Variants in SIX2 observed in about 807,000 individuals in gnomAD.
The protein encoded by SIX2 is SIX homeobox 2.
Under a neutral mutation model 22.8 loss-of-function variants are expected in SIX2, and 20 were observed. The ratio of observed to expected loss-of-function variants is 0.88; its 90% CI spans 0.62 to 1.28. The LOEUF (loss-of-function observed/expected upper bound fraction) is 1.28, where lower values mean the gene tolerates loss of function less well. SIX2 is among the 50% of genes most tolerant of loss of function. The probability of loss-of-function intolerance (pLI) is 0.00; values close to 1 mark genes in which losing one functional copy is unlikely to be tolerated. For missense variants in SIX2, 360 were observed against 400.0 expected, an observed-to-expected ratio of 0.90 and a Z score of 0.85; for synonymous variants, 195 against 186.4, an observed-to-expected ratio of 1.05 and a Z score of -0.37.
Position 45,006,285 on chromosome 2 carries a change from G to A in SIX2, c.761C>T (p.Ala254Val), listed in dbSNP as rs201764520. ...HSLGHPPGPSAVPVPVPGGGG... is the reference protein window; with the variant it reads ...HSLGHPPGPSVVPVPVPGGGG... The stretch of plus-strand genomic sequence containing the variant: ...TCCGCCTGGCACCGGCACTGGCACT[G>A]CGCTGGGGCCCGGAGGGTGGCCCAG... The change falls in exon 2 of 2, where the codon GCA (alanine) becomes GTA (valine). Residue 254 changes from alanine (A) to valine (V), a missense_variant. This residue lies in a region of SIX2 where 235 missense variants were observed against 231.9 expected (regional missense o/e 1.01). Coordinates refer to ENST00000303077, the MANE Select transcript of SIX2 (RefSeq NM_016932.5). The surrounding 1 kb of genome is among the most constrained non-coding windows in gnomAD (Gnocchi z 4.2). 2.5e-6 allele frequency: 4 copies of A among 1,614,098 alleles called. No homozygotes were observed. Among genetic ancestry groups the A allele is most frequent in the Middle Eastern group, 1.6e-4 (1 of 6,062 alleles).
At position 45,006,255 on chromosome 2, in the gene SIX2, C is replaced by T. The variant is rs146753226; in HGVS notation, c.791G>A (p.Gly264Glu). 135 of 1,614,220 alleles carry T rather than the reference C, an allele frequency of 8.4e-5. No homozygotes were observed. In the African/African-American group the frequency reaches 1.4e-3, roughly 17 times the overall value. ...AVPVPVPGGG[G>E]ADPLQHHHGL... ...ATGGTGGTGTTGCAGTGGGTCCGCT[C>T]CACCTCCGCCTGGCACCGGCACTGG... Residue 264 changes from glycine (G) to glutamate (E), a missense_variant, in exon 2 of 2, where the codon GGA (glycine) becomes GAA (glutamate). Gly to Glu is a moderately conservative substitution (Grantham distance 98). Transcript: ENST00000303077. This position sits in a 1 kb window ranked among gnomAD's most constrained non-coding sequence, Gnocchi z 4.2.
At position 45,006,557 on chromosome 2, in the gene SIX2, T is replaced by A. The variant is rs959620167; in HGVS notation, c.561-72A>T. On this transcript the variant is annotated intron_variant, in intron 1 of 1. Coordinates refer to ENST00000303077, the MANE Select transcript of SIX2 (RefSeq NM_016932.5). This position sits in a 1 kb window ranked among gnomAD's most constrained non-coding sequence, Gnocchi z 4.2. ...CCACCCAGCGCCATCTCAGTCACAG[T>A]CAGAGCCAGCCACCAGCCTCGGGAG... The A allele has an allele frequency of 4.8e-6, 7 of 1,446,464 alleles. No individual in the cohort carries two copies. In the South Asian group the frequency reaches 5.7e-5, roughly 12 times the overall value. The allele number at this position is 1,446,464 out of a possible 1,614,324, so 89.6% of individuals were successfully genotyped here.
Position 45,008,948 on chromosome 2 carries a change from C to T in SIX2, c.163G>A (p.Val55Met). The T allele has an allele frequency of 6.2e-7, 1 of 1,613,848 alleles. No individual in the cohort carries two copies. ...KNESVLKAKA[V>M]VAFHRGNFRE... ...AAGTTGCCGCGGTGGAAGGCCACCA[C>T]GGCCTTGGCCTTGAGCACGCTTTCA... The change falls in exon 1 of 2, where the codon GTG (valine) becomes ATG (methionine). Residue 55 changes from valine to methionine, a missense_variant. Physicochemically the swap from Val to Met is conservative, Grantham distance 21. This residue lies in a region of SIX2 where 118 missense variants were observed against 135.1 expected (regional missense o/e 0.87). Transcript: ENST00000303077.
In SIX2 at chr2:45,008,686, C is replaced by T; in HGVS notation, c.425G>A (p.Trp142Ter). 6.2e-7 allele frequency: 1 copy of T among 1,614,074 alleles called. No homozygotes were observed. The highest frequency in any genetic ancestry group is 8.5e-7 in the Non-Finnish European group (1 of 1,179,968). ...KEKSRSVLRE[W>*]YAHNPYPSPR... ...TGAAGGGTAGGGGTTGTGCGCGTAC[C>T]ACTCGCGCAGCACGCTGCGACTCTT... Residue 142 changes from tryptophan to a stop codon, truncating the protein, a stop_gained, in exon 1 of 2, where the codon TGG (tryptophan) becomes TAG (stop). Coordinates refer to ENST00000303077, the MANE Select transcript of SIX2 (RefSeq NM_016932.5). LOFTEE classifies it high-confidence loss of function.
In SIX2 at chr2:45,006,590, C is replaced by A; in HGVS notation, c.561-105G>T. The A allele has an allele frequency of 8.8e-7, 1 of 1,137,410 alleles. No individual in the cohort carries two copies. Among genetic ancestry groups the A allele is most frequent in the Non-Finnish European group, 1.3e-6 (1 of 760,376 alleles). The allele number at this position is 1,137,410 out of a possible 1,614,324, so 70.5% of individuals were successfully genotyped here. ...AGCCACCAGCCTCGGGAGACAGATC[C>A]CGGGCTTGTGGCCTGCGGGTGTTTT... is the stretch of plus-strand genomic sequence containing the variant. On this transcript the variant is annotated intron_variant, in intron 1 of 1. Coordinates refer to ENST00000303077, the MANE Select transcript of SIX2 (RefSeq NM_016932.5). The surrounding 1 kb of genome is among the most constrained non-coding windows in gnomAD (Gnocchi z 4.2).
Position 45,007,164 on chromosome 2 carries a change from C to T in SIX2, c.561-679G>A, listed in dbSNP as rs542250375. Among the ~76,000 whole-genome samples the T allele has an allele frequency of 2.3e-3, 343 of 152,260 alleles. 1 individual carries two copies. The highest frequency in any genetic ancestry group is 3.5e-3 in the Non-Finnish European group (235 of 68,018). On this transcript the variant is annotated intron_variant, in intron 1 of 1. Coordinates refer to ENST00000303077, the MANE Select transcript of SIX2 (RefSeq NM_016932.5). ...TGGTGGTACAGTGAAAACGTCAGCT[C>T]GGAGACCAGAAGCTTGGGGGATAAA...
Position 45,006,349 on chromosome 2 carries a change from G to A in SIX2, c.697C>T (p.Leu233Phe). The A allele has an allele frequency of 6.2e-7, 1 of 1,614,106 alleles. No individual in the cohort carries two copies. Among genetic ancestry groups the A allele is most frequent in the Non-Finnish European group, 8.5e-7 (1 of 1,179,950 alleles). Residue 233 changes from leucine (L) to phenylalanine (F), a missense_variant, in exon 2 of 2, where the codon CTC (leucine) becomes TTC (phenylalanine). By Grantham distance (22) the Leu-to-Phe change is conservative (BLOSUM62 0). Transcript: ENST00000303077. This position sits in a 1 kb window ranked among gnomAD's most constrained non-coding sequence, Gnocchi z 4.2. The part of the protein sequence containing the change: ...DHSSSSPALL[L>F]SPPPPGLPSL... The stretch of plus-strand genomic sequence containing the variant: ...GGCAGCCCAGGGGGCGGCGGGCTGA[G>A]GAGCAGTGCGGGGCTGGATGATGAG...
At chr2:45,008,128 C>T (rs952632821) in intron 1 of SIX2, among the ~76,000 whole-genome samples, 1 of 152,212 alleles carries the variant, frequency 6.6e-6, no homozygotes, top group Non-Finnish European at 1.5e-5. Context: ...TGGCCTGGAG[C>T]TAAGGCTGGG....
At position 45,006,235 on chromosome 2, in the gene SIX2, G is replaced by A; in HGVS notation, c.811C>T (p.His271Tyr). 1.2e-6 allele frequency: 2 copies of A among 1,614,240 alleles called. No homozygotes were observed. Among genetic ancestry groups the A allele is most frequent in the East Asian group, 4.5e-5 (2 of 44,876 alleles). Reference protein sequence around the residue: ...GGGGADPLQHHHGLQDSILNP... With the variant: ...GGGGADPLQHYHGLQDSILNP... ...AGGATGGAGTCCTGCAGGCCATGGT[G>A]GTGTTGCAGTGGGTCCGCTCCACCT... The change falls in exon 2 of 2, where the codon CAC becomes TAC. Residue 271 changes from histidine (H) to tyrosine (Y), a missense_variant. Physicochemically the swap from His to Tyr is moderately conservative, Grantham distance 83 (BLOSUM62 2). This residue lies in a region of SIX2 where 235 missense variants were observed against 231.9 expected (regional missense o/e 1.01). Coordinates refer to ENST00000303077, the MANE Select transcript of SIX2 (RefSeq NM_016932.5). The surrounding 1 kb of genome is among the most constrained non-coding windows in gnomAD (Gnocchi z 4.2).
At position 45,006,321 on chromosome 2, in the gene SIX2, G is replaced by C; in HGVS notation, c.725C>G (p.Ser242Cys). ...LLSPPPPGLP[S>C]LHSLGHPPGP... is the part of the protein sequence containing the mutation. Reference sequence around the variant, plus strand: ...CGGAGGGTGGCCCAGGCTGTGCAGGGACGGCAGCCCAGGGGGCGGCGGGCT... The same window carrying C: ...CGGAGGGTGGCCCAGGCTGTGCAGGCACGGCAGCCCAGGGGGCGGCGGGCT... Residue 242 changes from serine (S) to cysteine (C), a missense_variant, in exon 2 of 2, where the codon TCC becomes TGC. Around this residue, in one of 3 missense-constraint regions of SIX2, gnomAD observed 235 missense variants for 231.9 expected, o/e 1.01. Transcript: ENST00000303077. The surrounding 1 kb of genome is among the most constrained non-coding windows in gnomAD (Gnocchi z 4.2). 6.2e-7 allele frequency: 1 copy of C among 1,613,956 alleles called. No homozygotes were observed. Among genetic ancestry groups the C allele is most frequent in the African/African-American group, 1.3e-5 (1 of 75,074 alleles).
chr2:45,007,847 G>A lies in SIX2; in HGVS notation c.560+704C>T, dbSNP rs1667793622. 2.0e-5 allele frequency among the ~76,000 whole-genome samples: 3 copies of A among 152,114 alleles called. 1 individual carries two copies. The highest frequency in any genetic ancestry group is 4.2e-4 in the South Asian group (2 of 4,802). On this transcript the variant is annotated intron_variant, in intron 1 of 1. Coordinates refer to ENST00000303077, the MANE Select transcript of SIX2 (RefSeq NM_016932.5). Reference sequence around the variant, plus strand: ...CCTCTCAGCTCACCGCAGACATTCCGACCTACCCATCAGAGGTAGGGCCTA... The same window carrying A: ...CCTCTCAGCTCACCGCAGACATTCCAACCTACCCATCAGAGGTAGGGCCTA...
Position 45,009,269 on chromosome 2 carries a change from T to G in SIX2, c.-159A>C. The G allele has an allele frequency of 2.3e-6, 1 of 441,184 alleles. No homozygotes were observed. The highest frequency in any genetic ancestry group is 3.4e-6 in the Non-Finnish European group (1 of 297,346). 27.3% of individuals were successfully genotyped at this position (441,184 alleles called of 1,614,324 possible). A position where few individuals can be genotyped will look rare whatever the true frequency, so the allele number is the denominator to read the frequency against. On this transcript the variant is annotated 5_prime_UTR_variant, in exon 1 of 2. Transcript: ENST00000303077. ...GTGAGCCCCGAGTCACTGCCGTACG[T>G]CCCCGCGCCGGCCGCGGGTCCCACG... is the stretch of plus-strand genomic sequence containing the variant.
rs2290030 is a variant in SIX2, at chr2:45,005,547, A to C, written c.*623T>G. 0.9 allele frequency: 143,507 copies of C among 158,752 alleles called. 65,098 individuals carry two copies. The highest frequency in any genetic ancestry group is 0.97 in the African/African-American group (40,502 of 41,568). The allele number at this position is 158,752 out of a possible 1,614,324, so 9.8% of individuals were successfully genotyped here. On this transcript the variant is annotated 3_prime_UTR_variant, in exon 2 of 2. Transcript: ENST00000303077. ...GATGGCCTAGGTTCAAAGTCCCTGT[A>C]TTTTCTCTCCTCTTCCCTCTCCCAC...
chr2:45,008,328 G>C (rs973421797), intron 1 of SIX2, among the ~76,000 whole-genome samples: 1 of 152,260 alleles, frequency 6.6e-6, no homozygotes, highest in Non-Finnish European at 1.5e-5. Context: ...GTAGTTAGTT[G>C]ACAACTTCCT....
Position 45,009,151 on chromosome 2 carries a change from CG to C in SIX2, c.-42del. 6.8e-7 allele frequency: 1 copy of C among 1,477,888 alleles called. No individual in the cohort carries two copies. The highest frequency in any genetic ancestry group is 8.9e-7 in the Non-Finnish European group (1 of 1,122,194). The allele number at this position is 1,477,888 out of a possible 1,614,324, so 91.5% of individuals were successfully genotyped here. On this transcript the variant is annotated 5_prime_UTR_variant, in exon 1 of 2. It removes the in-frame stop codon of an upstream open reading frame in the 5' UTR. Coordinates refer to ENST00000303077, the MANE Select transcript of SIX2 (RefSeq NM_016932.5). ...CCCGCCCGCCCGCGCGCGCCCTCACCGGGCCGCGCGGTCCCGCATGGGAGCT... is the reference window on the plus strand; with the variant it reads ...CCCGCCCGCCCGCGCGCGCCCTCACCGGCCGCGCGGTCCCGCATGGGAGCT...
chr2:45,006,823 C>T lies in SIX2; in HGVS notation c.561-338G>A, dbSNP rs1667774888. Among the ~76,000 whole-genome samples the T allele has an allele frequency of 6.6e-6, 1 of 152,120 alleles. No individual in the cohort carries two copies. On this transcript the variant is annotated intron_variant, in intron 1 of 1. Coordinates refer to ENST00000303077, the MANE Select transcript of SIX2 (RefSeq NM_016932.5). The surrounding 1 kb of genome is among the most constrained non-coding windows in gnomAD (Gnocchi z 4.2). ...CAGAGGTGCAGGAGAACAGGGTTCC[C>T]TGAAGTTGTGGGGTGAGCCGGGAGG...
At chr2:45,007,933 A>T (rs1276930111) in intron 1 of SIX2, among the ~76,000 whole-genome samples, 1 of 152,318 alleles carries the variant, frequency 6.6e-6, no homozygotes, top group Admixed American at 6.5e-5. Flanking sequence ...AGCAAGGCAG[A>T]AAACAGGGCA....
chr2:45,006,093 G>A lies in SIX2; in HGVS notation c.*77C>T, dbSNP rs1558439542. 1.2e-5 allele frequency: 18 copies of A among 1,520,806 alleles called. No individual in the cohort carries two copies. Among genetic ancestry groups the A allele is most frequent in the South Asian group, 3.4e-5 (3 of 89,136 alleles). The allele number at this position is 1,520,806 out of a possible 1,614,324, so 94.2% of individuals were successfully genotyped here. A position where few individuals can be genotyped will look rare whatever the true frequency, so the allele number is the denominator to read the frequency against. ...CAGTACCTGGTGGGGCCGCAGGGGC[G>A]GGGCGCCCCTGGACACCGCCACTCC... On this transcript the variant is annotated 3_prime_UTR_variant, in exon 2 of 2. Coordinates refer to ENST00000303077, the MANE Select transcript of SIX2 (RefSeq NM_016932.5). This position sits in a 1 kb window ranked among gnomAD's most constrained non-coding sequence, Gnocchi z 4.2.
chr2:45,008,315 C>T (rs1276469567), intron 1 of SIX2, among the ~76,000 whole-genome samples: 3 of 152,238 alleles, frequency 2.0e-5, no homozygotes, highest in Non-Finnish European at 4.4e-5. Context: ...CTCTAGCGAC[C>T]GAGTAGTTAG....
Sources: gnomAD v4.1 joint callset for allele counts (sites outside exome capture counted in the v4.1 genomes callset) on GRCh38, gnomAD v4.1.1 for gene constraint, gnomAD v4.1.1 regional missense constraint, Gnocchi (gnomAD v3.1) non-coding constraint, MANE v1.5 for transcripts, NCBI Gene and HGNC (gene_info 2026-07-23, HGNC 2026-07-21) for gene names.